The following PDZD2 variants were observed in gnomAD, a reference collection of about 807,000 sequenced individuals.
PDZD2 encodes PDZ domain-containing protein 2.
A neutral mutation model predicts 220.7 loss-of-function variants in PDZD2; 90 were observed. The ratio of observed to expected loss-of-function variants is 0.41; its 90% CI spans 0.34 to 0.49. The LOEUF (loss-of-function observed/expected upper bound fraction) is 0.49. Ranked by LOEUF, PDZD2 falls within the 20% of genes least tolerant of loss-of-function variation. The pLI is 0.28. For missense variants in PDZD2, 3,174 were observed against 3,608.5 expected, an observed-to-expected ratio of 0.88 and a Z score of 3.08; for synonymous variants, 1,375 against 1,450.5, an observed-to-expected ratio of 0.95 and a Z score of 1.18.
chr5:31,691,703 C>T (rs1001703620), intron 1 of PDZD2, among the ~76,000 whole-genome samples: 1 of 152,314 alleles, frequency 6.6e-6, no homozygotes, highest in East Asian at 1.9e-4. Flanking sequence ...CAAAGGTTCT[C>T]CATGTCCCCA....
chr5:32,009,320 G>A (rs1753099766), intron 5 of PDZD2, among the ~76,000 whole-genome samples: 1 of 150,944 alleles, frequency 6.6e-6, no homozygotes, highest in South Asian at 2.1e-4. Context: ...TCCAGCCTGG[G>A]CAACAGAGCG....
intron 21 of PDZD2, among the ~76,000 whole-genome samples, chr5:32,095,364 C>A (rs1460931316): frequency 6.6e-6 from 1 of 152,216 alleles, no homozygotes; most frequent in Non-Finnish European, 1.5e-5. Context: ...CCTTACTCTG[C>A]CATCCTCAGT....
chr5:31,968,566 T>C (rs1748973625), intron 2 of PDZD2, among the ~76,000 whole-genome samples: 1 of 151,610 alleles, frequency 6.6e-6, no homozygotes, highest in African/African-American at 2.4e-5. Flanking sequence ...GGCAGGAAAA[T>C]TGCTTGAACC....
At chr5:31,995,859 A>G (rs1302292100) in intron 4 of PDZD2, 141 bp downstream of exon 4, 1 of 772,922 alleles carries the variant, frequency 1.3e-6, no homozygotes, top group Non-Finnish European at 2.1e-6. Flanking sequence ...GCACAGGAGG[A>G]AACCAGGCAA....
intron 2 of PDZD2, among the ~76,000 whole-genome samples, chr5:31,880,790 TC>T (rs371834205): frequency 8.2e-5 from 10 of 122,696 alleles, no homozygotes; most frequent in East Asian, 2.1e-4. Flanking sequence ...CTTTTTTTTT[TC>T]TTTTTTTTTT....
chr5:32,074,306 A>G lies in PDZD2; in HGVS notation c.3200A>G (p.Lys1067Arg), dbSNP rs754767005. The change falls in exon 18 of 25, where the codon AAG becomes AGG. Residue 1067 changes from lysine (K) to arginine (R), a missense_variant. Physicochemically the swap from Lys to Arg is conservative, Grantham distance 26 (BLOSUM62 2). This residue lies in a region of PDZD2 where 1,861 missense variants were observed against 2,001.0 expected (regional missense o/e 0.93). Transcript: ENST00000438447. ...ANLTDSAEAPKGSPGSWWKKE... is the reference protein window; with the variant it reads ...ANLTDSAEAPRGSPGSWWKKE... ...CTCACGGACTCTGCAGAGGCCCCCAAGGGGAGCCCTGGAAGCTGGTGGAAG... is the reference window on the plus strand; with the variant it reads ...CTCACGGACTCTGCAGAGGCCCCCAGGGGGAGCCCTGGAAGCTGGTGGAAG... 23 of 1,614,030 alleles carry G rather than the reference A, an allele frequency of 1.4e-5. No homozygotes were observed. The highest frequency in any genetic ancestry group is 2.2e-5 in the South Asian group (2 of 91,088).
intron 1 of PDZD2, among the ~76,000 whole-genome samples, chr5:31,778,089 C>T (rs1269011605): frequency 6.6e-6 from 1 of 152,168 alleles, no homozygotes; most frequent in Non-Finnish European, 1.5e-5. Context: ...AATCAGTGCT[C>T]TGTGTCTAGC....
intron 2 of PDZD2, among the ~76,000 whole-genome samples, chr5:31,935,882 A>G (rs1292769611): frequency 6.6e-6 from 1 of 152,202 alleles, no homozygotes; most frequent in East Asian, 1.9e-4. Context: ...TGGTGATGGA[A>G]GAGCTGATCT....
chr5:31,991,147 G>A (rs961625227), intron 3 of PDZD2, among the ~76,000 whole-genome samples: 9 of 152,226 alleles, frequency 5.9e-5, no homozygotes, highest in African/African-American at 2.2e-4. Flanking sequence ...CTTATTCTCG[G>A]TCCTGTGGGA....
At chr5:31,715,971 G>A (rs1373233397) in intron 1 of PDZD2, among the ~76,000 whole-genome samples, 2 of 152,218 alleles carry the variant, frequency 1.3e-5, no homozygotes, top group Non-Finnish European at 2.9e-5. Flanking sequence ...CCCGTGCAAA[G>A]CTCTACAGGG....
intron 1 of PDZD2, among the ~76,000 whole-genome samples, chr5:31,656,847 G>A (rs370942194): frequency 6.6e-6 from 1 of 152,186 alleles, no homozygotes; most frequent in East Asian, 1.9e-4. Context: ...CAAAGGGGCT[G>A]CTTTATAGGG....
chr5:31,840,583 T>G, intron 2 of PDZD2: 1 of 716,102 alleles, frequency 1.4e-6, no homozygotes, highest in East Asian at 2.5e-5. Context: ...TGGAGCAGGC[T>G]GGCACTTCAG....
intron 2 of PDZD2, among the ~76,000 whole-genome samples, chr5:31,862,879 G>A (rs921076483): frequency 6.6e-5 from 10 of 151,910 alleles, no homozygotes; most frequent in African/African-American, 7.3e-5. Context: ...GGCACGCGCC[G>A]CTACGCCCAG....
At chr5:31,770,463 C>T (rs893244217) in intron 1 of PDZD2, among the ~76,000 whole-genome samples, 1 of 152,182 alleles carries the variant, frequency 6.6e-6, no homozygotes, top group African/African-American at 2.4e-5. Context: ...CAGAATTCAT[C>T]CTGAGTAGCT....
chr5:31,741,219 A>T (rs1338907347), intron 1 of PDZD2, among the ~76,000 whole-genome samples: 3 of 147,062 alleles, frequency 2.0e-5, no homozygotes, highest in South Asian at 2.2e-4. Flanking sequence ...ACACACACAC[A>T]CTTCAGAAAA....
chr5:31,706,767 C>G (rs981324415), intron 1 of PDZD2, among the ~76,000 whole-genome samples: 5 of 149,994 alleles, frequency 3.3e-5, no homozygotes, highest in African/African-American at 1.2e-4. Flanking sequence ...TCGCTTGAAC[C>G]TGGGAGGTGG....
At chr5:31,727,085 C>T (rs1749190624) in intron 1 of PDZD2, among the ~76,000 whole-genome samples, 1 of 152,182 alleles carries the variant, frequency 6.6e-6, no homozygotes, top group Non-Finnish European at 1.5e-5. Flanking sequence ...CACTCACTAT[C>T]ACGAAGACAG....
At chr5:32,008,990 G>A (rs1753073262) in intron 5 of PDZD2, among the ~76,000 whole-genome samples, 1 of 152,106 alleles carries the variant, frequency 6.6e-6, no homozygotes, top group Non-Finnish European at 1.5e-5. Flanking sequence ...ATCAGAGTGG[G>A]TTGGTGGGGA....
intron 1 of PDZD2, among the ~76,000 whole-genome samples, chr5:31,692,717 A>T (rs918513735): frequency 2.0e-5 from 3 of 152,212 alleles, no homozygotes; most frequent in African/African-American, 4.8e-5. Context: ...GGGCTCAAGC[A>T]TGATGATATT....
Sources: allele counts gnomAD v4.1 joint callset (sites outside exome capture counted in the v4.1 genomes callset), GRCh38; gene constraint gnomAD v4.1.1; regional missense constraint gnomAD v4.1.1; transcripts MANE v1.5; gene names NCBI Gene and HGNC (gene_info 2026-07-23, HGNC 2026-07-21).